The following HMBOX1 variants were observed in gnomAD, a reference collection of about 807,000 sequenced individuals.
HMBOX1 encodes homeobox-containing protein 1.
HMBOX1 carries 14 observed loss-of-function variants against 54.5 expected under a neutral mutation model. The ratio of observed to expected loss-of-function variants is 0.26; its 90% CI spans 0.17 to 0.40. The LOEUF is 0.40. HMBOX1 is among the 10% of genes least tolerant of loss of function. The probability of loss-of-function intolerance (pLI) is 1.00; values close to 1 mark genes in which losing one functional copy is unlikely to be tolerated. For synonymous variants in HMBOX1, 160 were observed against 181.0 expected (o/e 0.88, Z 0.93); for missense variants, 332 against 514.4 (o/e 0.65, Z 3.43).
chr8:29,009,864 A>G (rs903933133), intron 5 of HMBOX1: 51 of 1,172,742 alleles, frequency 4.3e-5, no homozygotes, highest in Middle Eastern at 3.7e-4. Context: ...GACTATCTCA[A>G]TCTATACTTT....
intron 3 of HMBOX1, among the ~76,000 whole-genome samples, chr8:28,974,130 T>C (rs1827993489): frequency 6.6e-6 from 1 of 152,232 alleles, no homozygotes; most frequent in Middle Eastern, 3.4e-3. Context: ...GGAGATTTTT[T>C]TGTAGAACTT....
At chr8:29,006,851 T>C (rs1833524190) in intron 4 of HMBOX1, among the ~76,000 whole-genome samples, 1 of 152,206 alleles carries the variant, frequency 6.6e-6, no homozygotes, top group Admixed American at 6.5e-5. Flanking sequence ...GAGCTGATAA[T>C]ATATTTTTTC....
At chr8:28,984,891 G>A (rs1466703503) in intron 4 of HMBOX1, among the ~76,000 whole-genome samples, 5 of 152,046 alleles carry the variant, frequency 3.3e-5, no homozygotes, top group African/African-American at 1.2e-4. Context: ...TTGGATGCAT[G>A]TCCTCTGAAG....
At chr8:28,994,772 ATAACC>A (rs1258556079) in intron 4 of HMBOX1, among the ~76,000 whole-genome samples, 2 of 152,242 alleles carry the variant, frequency 1.3e-5, no homozygotes, top group African/African-American at 4.8e-5. Context: ...AAAATGACAA[ATAACC>A]TAATAAAAAA....
chr8:28,935,098 C>A (rs1206528032), intron 1 of HMBOX1, among the ~76,000 whole-genome samples: 1 of 152,030 alleles, frequency 6.6e-6, no homozygotes, highest in Non-Finnish European at 1.5e-5. Flanking sequence ...GAAAAACATA[C>A]AACACTGCTG....
intron 5 of HMBOX1, among the ~76,000 whole-genome samples, chr8:29,011,363 T>C (rs1047404341): frequency 3.3e-5 from 5 of 152,244 alleles, no homozygotes; most frequent in Non-Finnish European, 4.4e-5. Context: ...CACCAGATCT[T>C]TTCTTTGCAG....
chr8:29,035,871 T>A (rs1803773471), intron 6 of HMBOX1, among the ~76,000 whole-genome samples: 1 of 152,254 alleles, frequency 6.6e-6, no homozygotes, highest in African/African-American at 2.4e-5. Context: ...TTACTGTTTT[T>A]GTGTGACACC....
intron 1 of HMBOX1, among the ~76,000 whole-genome samples, chr8:28,894,721 GT>G (rs1563338744): frequency 6.6e-6 from 1 of 151,974 alleles, no homozygotes; most frequent in African/African-American, 2.4e-5. Context: ...TAGATAATTT[GT>G]TTTCCTTGAC....
At position 29,009,773 on chromosome 8, in the gene HMBOX1, A is replaced by G. The variant is rs908928621; in HGVS notation, c.697+591A>G. The G allele has an allele frequency of 4.7e-6, 6 of 1,276,940 alleles. No individual in the cohort carries two copies. The African/African-American group carries it at 7.7e-5, about 16-fold the overall frequency. The allele number at this position is 1,276,940 out of a possible 1,614,324, so 79.1% of individuals were successfully genotyped here. On this transcript the variant is annotated intron_variant, in intron 5 of 9. Transcript: ENST00000287701. ...GAAAACTAAGATGACAAAAAAATTT[A>G]TGTCTAGAGTTGGAAGAAGTAGGCA...
chr8:28,920,680 T>C (rs1817396302), intron 1 of HMBOX1, among the ~76,000 whole-genome samples: 1 of 152,176 alleles, frequency 6.6e-6, no homozygotes, highest in South Asian at 2.1e-4. Context: ...AGCCAAGAAG[T>C]ATGATTGTTG....
At chr8:29,025,833 G>A (rs557025596) in intron 6 of HMBOX1, among the ~76,000 whole-genome samples, 2 of 152,214 alleles carry the variant, frequency 1.3e-5, no homozygotes, top group African/African-American at 4.8e-5. Context: ...CTAACCTCAA[G>A]TGGGTCTTTA....
At chr8:28,892,750 T>G (rs1399581527) in intron 1 of HMBOX1, among the ~76,000 whole-genome samples, 1 of 152,178 alleles carries the variant, frequency 6.6e-6, no homozygotes, top group Non-Finnish European at 1.5e-5. Context: ...AAAAAAAATG[T>G]GATTTCTAAA....
At chr8:28,907,502 AGTTT>A (rs1161966398) in intron 1 of HMBOX1, among the ~76,000 whole-genome samples, 1 of 152,224 alleles carries the variant, frequency 6.6e-6, no homozygotes. Context: ...ATAGTAATTA[AGTTT>A]ATCTCTATTA....
intron 1 of HMBOX1, among the ~76,000 whole-genome samples, chr8:28,940,859 C>G (rs114407417): frequency 6.6e-6 from 1 of 152,242 alleles, no homozygotes; most frequent in South Asian, 2.1e-4. Flanking sequence ...TATAAAATTA[C>G]GTTAAATAGC....
intron 1 of HMBOX1, among the ~76,000 whole-genome samples, chr8:28,960,753 C>CTTTTTTTTTTTTTTG (rs1023356056): frequency 3.0e-5 from 2 of 65,658 alleles, no homozygotes; most frequent in Non-Finnish European, 5.9e-5. Context: ...TTCTCTTTTT[C>CTTTTTTTTTTTTTTG]TTTTTCTTTT....
At chr8:29,019,085 AT>A in intron 6 of HMBOX1, among the ~76,000 whole-genome samples, 172 bp downstream of exon 6, 1 of 152,320 alleles carries the variant, frequency 6.6e-6, no homozygotes, top group East Asian at 1.9e-4. Flanking sequence ...TCATCTTAGC[AT>A]TGAGAATTCA....
At chr8:28,917,493 G>A (rs549500384) in intron 1 of HMBOX1, among the ~76,000 whole-genome samples, 16 of 151,990 alleles carry the variant, frequency 1.1e-4, no homozygotes, top group Middle Eastern at 3.4e-3. Context: ...ATCACATTGC[G>A]TATGAATAGA....
At chr8:28,894,409 A>G (rs1811659273) in intron 1 of HMBOX1, among the ~76,000 whole-genome samples, 1 of 152,212 alleles carries the variant, frequency 6.6e-6, no homozygotes, top group South Asian at 2.1e-4. Flanking sequence ...CTAGAAACCA[A>G]AGAGTAACCA....
intron 2 of HMBOX1, among the ~76,000 whole-genome samples, chr8:28,969,050 G>A (rs1394461500): frequency 6.6e-6 from 1 of 152,100 alleles, no homozygotes; most frequent in Non-Finnish European, 1.5e-5. Flanking sequence ...GCAGGTGCCT[G>A]TAATCCCAGC....
Sources: gnomAD v4.1 joint callset for allele counts (sites outside exome capture counted in the v4.1 genomes callset) on GRCh38, gnomAD v4.1.1 for gene constraint, MANE v1.5 for transcripts, NCBI Gene and HGNC (gene_info 2026-07-23, HGNC 2026-07-21) for gene names.